Variants in LTBP1 observed in about 807,000 individuals in gnomAD.
LTBP1 encodes the protein latent transforming growth factor beta binding protein 1.
LTBP1 carries 129 observed loss-of-function variants against 207.6 expected under a neutral mutation model. The ratio of observed to expected loss-of-function variants is 0.62; its 90% CI spans 0.54 to 0.72. The LOEUF (loss-of-function observed/expected upper bound fraction) is 0.72. Among genes scored for constraint, LTBP1 ranks in the 30% least tolerant of loss-of-function variants. The pLI is 0.00. For missense variants in LTBP1, 2,281 were observed against 2,217.2 expected (o/e 1.03, Z -0.58); for synonymous variants, 963 against 833.7 (o/e 1.16, Z -2.67).
chr2:33,024,474 C>T (rs1235285479), intron 3 of LTBP1, among the ~76,000 whole-genome samples: 2 of 152,060 alleles, frequency 1.3e-5, no homozygotes, highest in Non-Finnish European at 2.9e-5. Context: ...TGAGGAACAG[C>T]TAGTTTGGTA....
chr2:33,042,252 A>AT, intron 3 of LTBP1, among the ~76,000 whole-genome samples: 1 of 152,298 alleles, frequency 6.6e-6, no homozygotes, highest in East Asian at 1.9e-4. Context: ...CTTTTCAGGA[A>AT]TTTGTTAATT....
chr2:33,055,952 G>C (rs913674749), intron 3 of LTBP1, among the ~76,000 whole-genome samples: 1 of 152,196 alleles, frequency 6.6e-6, no homozygotes, highest in African/African-American at 2.4e-5. Flanking sequence ...GGGAGGCTAG[G>C]ATATGGGGGT....
At chr2:32,975,374 T>C (rs185655653) in intron 2 of LTBP1, among the ~76,000 whole-genome samples, 87 of 152,218 alleles carry the variant, frequency 5.7e-4, no homozygotes, top group Middle Eastern at 6.8e-3. Flanking sequence ...TTGTCTCATA[T>C]AGTATCTAAC....
At chr2:33,120,145 T>C (rs1057018582) in intron 4 of LTBP1, among the ~76,000 whole-genome samples, 1 of 152,198 alleles carries the variant, frequency 6.6e-6, no homozygotes, top group Admixed American at 6.5e-5. Context: ...ATGATGGCTG[T>C]GTGTATATAT....
Position 33,275,896 on chromosome 2 carries a change from C to G in LTBP1, c.2965C>G (p.Arg989Gly). Residue 989 changes from arginine (R) to glycine (G), a missense_variant, in exon 18 of 34, where the codon CGC becomes GGC. By Grantham distance (125) the Arg-to-Gly change is moderately radical. Transcript: ENST00000404816. Reference protein sequence around the residue: ...FRCEYCDSGYRMTQRGRCEDI... With the variant: ...FRCEYCDSGYGMTQRGRCEDI... ...GTGTGAATACTGTGACAGCGGGTAC[C>G]GCATGACTCAGAGAGGCCGTTGTGA... 1 of 1,603,768 alleles carries G rather than the reference C, an allele frequency of 6.2e-7. No individual in the cohort carries two copies. Among genetic ancestry groups the G allele is most frequent in the Middle Eastern group, 1.7e-4 (1 of 5,978 alleles).
chr2:33,314,539 C>T (rs752850646), intron 23 of LTBP1, among the ~76,000 whole-genome samples: 7 of 152,152 alleles, frequency 4.6e-5, no homozygotes, highest in Admixed American at 6.5e-5. Flanking sequence ...AAGAGTGAGA[C>T]CCTGTCTCTA....
intron 2 of LTBP1, among the ~76,000 whole-genome samples, chr2:33,006,307 G>T (rs543808541): frequency 6.6e-6 from 1 of 151,486 alleles, no homozygotes; most frequent in African/African-American, 2.4e-5. Context: ...GTCTCACTCA[G>T]ATCAGAGATT....
In LTBP1 at chr2:33,123,356, T is replaced by G. The variant is rs79038067; in HGVS notation, c.1034-11437T>G. On this transcript the variant is annotated intron_variant, in intron 4 of 33. Coordinates refer to ENST00000404816, the MANE Select transcript of LTBP1 (RefSeq NM_206943.4). ...GATTGGGAAACCTTTTCAGTAAGAT[T>G]CCTGGAATCCTATCATGCCTCCTGT... Among the ~76,000 whole-genome samples the G allele has an allele frequency of 4.6e-3, 693 of 152,268 alleles. 9 individuals are homozygous for G. Among genetic ancestry groups the G allele is most frequent in the Admixed American group, 0.029 (451 of 15,292 alleles).
At chr2:33,157,450 G>C (rs1001798125) in intron 5 of LTBP1, among the ~76,000 whole-genome samples, 4 of 152,194 alleles carry the variant, frequency 2.6e-5, no homozygotes, top group African/African-American at 9.6e-5. Context: ...TGAATGGGAA[G>C]CCCTTAGAGC....
intron 2 of LTBP1, among the ~76,000 whole-genome samples, chr2:32,992,921 C>CGGGCAGAACT (rs1238475684): frequency 5.9e-5 from 9 of 151,830 alleles, no homozygotes; most frequent in African/African-American, 2.2e-4. Context: ...AAGCTGGAGT[C>CGGGCAGAACT]GGCAGAACTG....
Position 32,947,815 on chromosome 2 carries a change from AG to A in LTBP1, c.494+1del. ...RLQVHQKQQL[Q>X]GVNVCGGRCC... ...CAGGTTCACCAGAAGCAGCAGCTGC[AG>A]GGGTAAGCCCACACCCCCTTCCGCC... is the stretch of plus-strand genomic sequence containing the variant. On this transcript the variant is annotated frameshift_variant and splice_region_variant, in exon 1 of 34. Coordinates refer to ENST00000404816, the MANE Select transcript of LTBP1 (RefSeq NM_206943.4). LOFTEE classifies it high-confidence loss of function. 3 of 1,436,692 alleles carry A rather than the reference AG, an allele frequency of 2.1e-6. No homozygotes were observed. The highest frequency in any genetic ancestry group is 2.8e-6 in the Non-Finnish European group (3 of 1,087,978). The allele number at this position is 1,436,692 out of a possible 1,614,324, so 89.0% of individuals were successfully genotyped here. A position where few individuals can be genotyped will look rare whatever the true frequency, so the allele number is the denominator to read the frequency against.
chr2:33,349,307 G>A (rs546160184), intron 26 of LTBP1, among the ~76,000 whole-genome samples: 5 of 152,202 alleles, frequency 3.3e-5, no homozygotes, highest in Middle Eastern at 6.8e-3. Flanking sequence ...AAAATTAGCC[G>A]GGAGTGGAGG....
Position 33,374,692 on chromosome 2 carries a change from C to T in LTBP1, c.4711+9189C>T, listed in dbSNP as rs555193723. ...ACTCTTGGCCCGGCACAGTGGCTCA[C>T]GCCTGTAACCTCAGCACTTGGGAGG... On this transcript the variant is annotated intron_variant, in intron 31 of 33. Coordinates refer to ENST00000404816, the MANE Select transcript of LTBP1 (RefSeq NM_206943.4). Among the ~76,000 whole-genome samples, 8 of 152,302 alleles carry T rather than the reference C, an allele frequency of 5.3e-5. No individual in the cohort carries two copies. The South Asian group carries it at 6.2e-4, about 12-fold the overall frequency.
chr2:33,051,931 GT>G (rs1553384363), intron 3 of LTBP1, among the ~76,000 whole-genome samples: 1 of 152,182 alleles, frequency 6.6e-6, no homozygotes, highest in Non-Finnish European at 1.5e-5. Flanking sequence ...CTCTTTAAAA[GT>G]TTTATTTGAA....
intron 19 of LTBP1, among the ~76,000 whole-genome samples, chr2:33,283,216 A>T (rs2093596586): frequency 6.6e-6 from 1 of 152,108 alleles, no homozygotes; most frequent in African/African-American, 2.4e-5. Flanking sequence ...ACGTGAAGAA[A>T]AGTAAAGTAA....
Position 33,095,932 on chromosome 2 carries a change from A to G in LTBP1, c.864-14650A>G, listed in dbSNP as rs571451298. On this transcript the variant is annotated intron_variant, in intron 3 of 33. Transcript: ENST00000404816. ...ATATGTAATTGTAGTCTCAGAAGGT[A>G]AGAAGAGAGCAAATGTAACAAGAAA... Among the ~76,000 whole-genome samples the G allele has an allele frequency of 2.0e-5, 3 of 152,264 alleles. No homozygotes were observed. The East Asian group carries it at 5.8e-4, about 29-fold the overall frequency.
At chr2:32,978,275 G>A (rs1017645410) in intron 2 of LTBP1, among the ~76,000 whole-genome samples, 1 of 152,102 alleles carries the variant, frequency 6.6e-6, no homozygotes, top group Non-Finnish European at 1.5e-5. Context: ...ATAAAAGTGG[G>A]CCTCCTTGTC....
intron 3 of LTBP1, among the ~76,000 whole-genome samples, chr2:33,080,856 A>G (rs1269147156): frequency 1.3e-5 from 2 of 152,256 alleles, no homozygotes; most frequent in Non-Finnish European, 2.9e-5. Flanking sequence ...ACATATATGC[A>G]TATATGGTAG....
At chr2:33,013,827 A>T (rs969609251) in intron 2 of LTBP1, among the ~76,000 whole-genome samples, 1 of 152,218 alleles carries the variant, frequency 6.6e-6, no homozygotes, top group African/African-American at 2.4e-5. Flanking sequence ...AGCTTCCAGA[A>T]CACAGCTCTT....
Sources: gnomAD v4.1 joint callset for allele counts (sites outside exome capture counted in the v4.1 genomes callset) on GRCh38, gnomAD v4.1.1 for gene constraint, MANE v1.5 for transcripts, NCBI Gene and HGNC (gene_info 2026-07-23, HGNC 2026-07-21) for gene names.